Variants in PREX1 observed in about 807,000 individuals in gnomAD.
The protein encoded by PREX1 is phosphatidylinositol-3,4,5-trisphosphate dependent Rac exchange factor 1, also known as phosphatidylinositol 3,4,5-trisphosphate-dependent Rac exchanger 1 protein.
Under a neutral mutation model 198.3 loss-of-function variants are expected in PREX1, and 41 were observed. The observed-to-expected ratio is 0.21, with a 90% CI of 0.16 to 0.27. The LOEUF (loss-of-function observed/expected upper bound fraction) is 0.27, where lower values mean the gene tolerates loss of function less well. Ranked by LOEUF, PREX1 falls within the 10% of genes least tolerant of loss-of-function variation. PREX1 has a pLI of 1.00. For missense variants in PREX1, 1,620 were observed against 2,200.7 expected, an observed-to-expected ratio of 0.74 and a Z score of 5.28; for synonymous variants, 843 against 887.2, an observed-to-expected ratio of 0.95 and a Z score of 0.89.
rs1192129283 is a variant in PREX1, at chr20:48,797,183, A to C, written c.219+30459T>G. 2.6e-5 allele frequency among the ~76,000 whole-genome samples: 4 copies of C among 152,110 alleles called. No homozygotes were observed. The East Asian group carries it at 7.7e-4, about 29-fold the overall frequency. On this transcript the variant is annotated intron_variant, in intron 1 of 39. Transcript: ENST00000371941. ...AAATTCTATCATCCCCCTTTACCAG[A>C]GGGAGCTCTTTGCTTGGGTCCCTGA...
intron 19 of PREX1, among the ~76,000 whole-genome samples, chr20:48,654,774 G>A (rs983756507): frequency 2.0e-5 from 3 of 152,158 alleles, no homozygotes; most frequent in Non-Finnish European, 2.9e-5. Flanking sequence ...AAAGTTTGGG[G>A]GCCCAGTATC....
the PREX1 span, among the ~76,000 whole-genome samples, chr20:48,868,102 T>G: frequency 7.9e-5 from 12 of 152,228 alleles, no homozygotes; most frequent in African/African-American, 2.9e-4. Flanking sequence ...GAATATAAGT[T>G]TCTTGAAACA....
rs779040272 is a variant in PREX1, at chr20:48,650,013, C to A, written c.3011G>T (p.Gly1004Val). 25 of 1,614,114 alleles carry A rather than the reference C, an allele frequency of 1.5e-5. No individual in the cohort carries two copies. The highest frequency in any genetic ancestry group is 2.0e-5 in the Non-Finnish European group (24 of 1,180,012). The change falls in exon 24 of 40, where the codon GGC (glycine) becomes GTC (valine). Residue 1004 changes from glycine to valine, a missense_variant. Gly to Val is a moderately radical substitution (Grantham distance 109). Coordinates refer to ENST00000371941, the MANE Select transcript of PREX1 (RefSeq NM_020820.4). ...ACAGGTACCTTGCTCCGGGTCAAGGCCGATGAGGGAGGGTTTGCGTCCAAA... is the reference window on the plus strand; with the variant it reads ...ACAGGTACCTTGCTCCGGGTCAAGGACGATGAGGGAGGGTTTGCGTCCAAA... ...IRFGRKPSLI[G>V]LDPEQGHLNP...
intron 28 of PREX1, 68 bp downstream of exon 28, chr20:48,642,339 T>A: frequency 1.2e-6 from 2 of 1,603,852 alleles, no homozygotes; most frequent in Non-Finnish European, 1.7e-6. Context: ...AGCCCCCGGG[T>A]CATGGGCCCT....
rs1373135073 is a variant in PREX1, at chr20:48,696,997, CACACA to C, written c.917+3751_917+3755del. Reference sequence around the variant, plus strand: ...CTCTTTACACACACACACACACACACACACACCCTATTGGGTCTATCTGGAGAATC... The same window carrying C: ...CTCTTTACACACACACACACACACACCCCTATTGGGTCTATCTGGAGAATC... On this transcript the variant is annotated intron_variant, in intron 7 of 39. Transcript: ENST00000371941. 2.8e-3 allele frequency among the ~76,000 whole-genome samples: 426 copies of C among 152,140 alleles called. 1 individual carries two copies. Among genetic ancestry groups the C allele is most frequent in the African/African-American group, 9.6e-3 (398 of 41,480 alleles).
rs763984566 is a variant in PREX1 at position 48,650,004 on chromosome 20, G to A, written c.3020C>T (p.Pro1007Leu). The change falls in exon 24 of 40, where the codon CCG becomes CTG. Residue 1007 changes from proline to leucine, a missense_variant. Transcript: ENST00000371941. ...GRKPSLIGLDPEQGHLNPMSY... is the reference protein window; with the variant it reads ...GRKPSLIGLDLEQGHLNPMSY... ...TAGACACACACAGGTACCTTGCTCC[G>A]GGTCAAGGCCGATGAGGGAGGGTTT... is the stretch of plus-strand genomic sequence containing the variant. 20 of 1,613,864 alleles carry A rather than the reference G, an allele frequency of 1.2e-5. No individual in the cohort carries two copies. The highest frequency in any genetic ancestry group is 1.7e-5 in the Admixed American group (1 of 60,008).
At chr20:48,667,461 A>T (rs1270308961) in intron 14 of PREX1, among the ~76,000 whole-genome samples, 1 of 152,090 alleles carries the variant, frequency 6.6e-6, no homozygotes, top group Non-Finnish European at 1.5e-5. Flanking sequence ...GCCTGGGATA[A>T]AGTCATGTGA....
At chr20:48,740,400 G>C (rs930097521) in intron 3 of PREX1, among the ~76,000 whole-genome samples, 1 of 152,230 alleles carries the variant, frequency 6.6e-6, no homozygotes, top group Non-Finnish European at 1.5e-5. Flanking sequence ...AGGGCCACCT[G>C]TCTGAGGCGG....
intron 1 of PREX1, among the ~76,000 whole-genome samples, chr20:48,819,399 T>C (rs1459974171): frequency 6.6e-6 from 1 of 152,220 alleles, no homozygotes; most frequent in Non-Finnish European, 1.5e-5. Context: ...CCAGGGCTCC[T>C]TCTCCTCCTT....
At chr20:48,839,334 C>A in the PREX1 span, among the ~76,000 whole-genome samples, 2 of 152,296 alleles carry the variant, frequency 1.3e-5, no homozygotes, top group African/African-American at 2.4e-5. Context: ...CCCTCTCCCC[C>A]ACAGACACCC....
At chr20:48,805,080 G>A (rs1363528825) in intron 1 of PREX1, among the ~76,000 whole-genome samples, 5 of 152,210 alleles carry the variant, frequency 3.3e-5, no homozygotes, top group Non-Finnish European at 5.9e-5. Context: ...GACAGAGGAA[G>A]AGAGGGAAGA....
At chr20:48,758,056 G>A (rs2090162617) in intron 1 of PREX1, among the ~76,000 whole-genome samples, 1 of 152,180 alleles carries the variant, frequency 6.6e-6, no homozygotes, top group Non-Finnish European at 1.5e-5. Context: ...GCAAGAAGTG[G>A]AGTACAAGTA....
intron 1 of PREX1, among the ~76,000 whole-genome samples, chr20:48,766,659 T>C (rs2090209462): frequency 6.6e-6 from 1 of 152,214 alleles, no homozygotes; most frequent in Admixed American, 6.5e-5. Context: ...AGGAAACCCA[T>C]GCATAGGCTC....
chr20:48,836,934 G>A, the PREX1 span, among the ~76,000 whole-genome samples: 2 of 140,256 alleles, frequency 1.4e-5, no homozygotes, highest in Non-Finnish European at 3.1e-5. Flanking sequence ...AAAGAACCTC[G>A]CTCTGCCAGC....
Position 48,625,747 on chromosome 20 carries a change from A to T in PREX1, c.*138T>A. On this transcript the variant is annotated 3_prime_UTR_variant, in exon 40 of 40. Coordinates refer to ENST00000371941, the MANE Select transcript of PREX1 (RefSeq NM_020820.4). ...GGCCAGGCTTGTCCCGGAAGGAGGCAGGGAGGACGCTGGGCAGGTCCCGGA... is the reference window on the plus strand; with the variant it reads ...GGCCAGGCTTGTCCCGGAAGGAGGCTGGGAGGACGCTGGGCAGGTCCCGGA... 1.9e-6 allele frequency: 2 copies of T among 1,057,378 alleles called. No homozygotes were observed. The highest frequency in any genetic ancestry group is 3.4e-5 in the African/African-American group (2 of 59,450). The allele number at this position is 1,057,378 out of a possible 1,614,324, so 65.5% of individuals were successfully genotyped here.
At chr20:48,627,247 G>T (rs1442424593) in intron 39 of PREX1, among the ~76,000 whole-genome samples, 2 of 150,552 alleles carry the variant, frequency 1.3e-5, no homozygotes, top group Admixed American at 6.6e-5. Flanking sequence ...AGGGTGGAGG[G>T]CACGGGGCGG....
At chr20:48,782,562 TGA>T (rs2122928403) in intron 1 of PREX1, among the ~76,000 whole-genome samples, 1 of 152,250 alleles carries the variant, frequency 6.6e-6, no homozygotes, top group Non-Finnish European at 1.5e-5. Context: ...GTTAAAGTGG[TGA>T]GAAAGTCTCA....
rs1211509144 is a variant in PREX1, at chr20:48,691,045, T to C, written c.1088A>G (p.Asn363Ser). Residue 363 changes from asparagine to serine, a missense_variant, in exon 9 of 40, where the codon AAC becomes AGC. Transcript: ENST00000371941. This position sits in a 1 kb window ranked among gnomAD's most constrained non-coding sequence, Gnocchi z 5.0. ...YTVTNGWKIH[N>S]TAKNKWFVCM... ...GACAAACCACTTATTCTTGGCCGTGTTGTGGATCTTCCAGCCGTTGGTGAC... is the reference window on the plus strand; with the variant it reads ...GACAAACCACTTATTCTTGGCCGTGCTGTGGATCTTCCAGCCGTTGGTGAC... 2.5e-6 allele frequency: 4 copies of C among 1,614,242 alleles called. No homozygotes were observed. Among genetic ancestry groups the C allele is most frequent in the South Asian group, 1.1e-5 (1 of 91,086 alleles).
At chr20:48,628,826 T>G (rs1159435176) in intron 37 of PREX1, among the ~76,000 whole-genome samples, 1 of 152,196 alleles carries the variant, frequency 6.6e-6, no homozygotes, top group East Asian at 1.9e-4. Flanking sequence ...AGCACCTGTC[T>G]CAGGCCAGGC....
Sources: gnomAD v4.1 joint callset for allele counts (sites outside exome capture counted in the v4.1 genomes callset) on GRCh38, gnomAD v4.1.1 for gene constraint, Gnocchi (gnomAD v3.1) non-coding constraint, MANE v1.5 for transcripts, NCBI Gene and HGNC (gene_info 2026-07-23, HGNC 2026-07-21) for gene names.